MPDZ: variants seen among roughly 807,000 people sequenced by gnomAD.
The protein encoded by MPDZ is multiple PDZ domain protein.
MPDZ carries 234 observed loss-of-function variants against 239.1 expected under a neutral mutation model. That is an observed-to-expected ratio of 0.98 (90% confidence interval 0.88 to 1.09). The LOEUF (loss-of-function observed/expected upper bound fraction) is 1.09, where lower values mean the gene tolerates loss of function less well. MPDZ is among the 50% of genes least tolerant of loss of function. The pLI is 0.00. For missense variants in MPDZ, 3,175 were observed against 2,510.0 expected (o/e 1.26, Z -5.66); for synonymous variants, 1,048 against 881.3 (o/e 1.19, Z -3.35).
chr9:13,233,131 AAC>A (rs916791131), intron 3 of MPDZ, among the ~76,000 whole-genome samples: 9 of 152,158 alleles, frequency 5.9e-5, no homozygotes, highest in African/African-American at 2.2e-4. Flanking sequence ...CGCTTTGGAA[AAC>A]AGTTTGGCAG....
intron 3 of MPDZ, among the ~76,000 whole-genome samples, chr9:13,237,428 C>T (rs961022925): frequency 3.9e-5 from 4 of 103,550 alleles, no homozygotes; most frequent in Non-Finnish European, 7.0e-5. Context: ...CGTGACAGAG[C>T]AAGACACTGT....
chr9:13,221,844 T>C (rs1959145071), intron 6 of MPDZ, among the ~76,000 whole-genome samples: 1 of 152,026 alleles, frequency 6.6e-6, no homozygotes, highest in South Asian at 2.1e-4. Flanking sequence ...GTCTTCTGCA[T>C]AATCCTGCCT....
intron 41 of MPDZ, among the ~76,000 whole-genome samples, 191 bp from the exon 42 acceptor site, chr9:13,113,245 C>T (rs547235788): frequency 6.6e-6 from 1 of 151,970 alleles, no homozygotes; most frequent in African/African-American, 2.4e-5. Flanking sequence ...GTTGGAAAAA[C>T]GTGTATACCA....
chr9:13,173,249 TA>T (rs1187462325), intron 21 of MPDZ, among the ~76,000 whole-genome samples: 1 of 152,208 alleles, frequency 6.6e-6, no homozygotes, highest in African/African-American at 2.4e-5. Flanking sequence ...AATGTACTCT[TA>T]AAAATGATGA....
intron 23 of MPDZ, among the ~76,000 whole-genome samples, chr9:13,159,242 C>G (rs955277627): frequency 6.6e-6 from 1 of 152,032 alleles, no homozygotes; most frequent in African/African-American, 2.4e-5. Flanking sequence ...TTTCTTGGAC[C>G]TGAATGTTAA....
At chr9:13,188,318 G>C (rs2134811194) in intron 17 of MPDZ, among the ~76,000 whole-genome samples, 1 of 152,188 alleles carries the variant, frequency 6.6e-6, no homozygotes, top group East Asian at 1.9e-4. Flanking sequence ...AGGAGTTCGA[G>C]ACCAGCCTGG....
chr9:13,162,435 C>A (rs969006137), intron 23 of MPDZ, among the ~76,000 whole-genome samples: 2 of 151,816 alleles, frequency 1.3e-5, no homozygotes, highest in African/African-American at 4.8e-5. Context: ...CAAAACTCAA[C>A]ATGTTAAAAG....
intron 23 of MPDZ, among the ~76,000 whole-genome samples, chr9:13,159,351 G>T (rs903120811): frequency 6.6e-6 from 1 of 152,106 alleles, no homozygotes; most frequent in Non-Finnish European, 1.5e-5. Context: ...AAAGAATAAC[G>T]CCTCGAATGA....
chr9:13,128,547 C>G (rs558371583), intron 32 of MPDZ, among the ~76,000 whole-genome samples: 1 of 152,268 alleles, frequency 6.6e-6, no homozygotes, highest in East Asian at 1.9e-4. Flanking sequence ...AATTCCTAAC[C>G]CATAGAAACT....
In MPDZ at chr9:13,188,921, C is replaced by T. The variant is rs375260217; in HGVS notation, c.2227G>A (p.Gly743Arg). ...AGTCGGTCACCAGGAAGAAGTCGTC[C>T]ATCCTTTTCAGCAATGCCGCCAGGC... ...LVPGGIAEKD[G>R]RLLPGDRLMF... Residue 743 changes from glycine to arginine, a missense_variant, in exon 17 of 47, where the codon GGA becomes AGA. Physicochemically the swap from Gly to Arg is moderately radical, Grantham distance 125 (BLOSUM62 -2). Transcript: ENST00000319217. The T allele has an allele frequency of 5.0e-6, 8 of 1,613,384 alleles. No individual in the cohort carries two copies. In the Middle Eastern group the frequency reaches 8.2e-4, roughly 166 times the overall value.
At chr9:13,133,778 G>C in intron 32 of MPDZ, 46 bp downstream of exon 32, 1 of 1,319,070 alleles carries the variant, frequency 7.6e-7, no homozygotes, top group South Asian at 1.2e-5. Flanking sequence ...AGAACACTGA[G>C]GTAAAGGAAC....
intron 12 of MPDZ, among the ~76,000 whole-genome samples, chr9:13,203,595 T>C (rs1471624562): frequency 6.6e-6 from 1 of 152,104 alleles, no homozygotes; most frequent in Non-Finnish European, 1.5e-5. Context: ...GAGGCAATAA[T>C]ATCTTACCCC....
At chr9:13,192,931 GT>G (rs1309024355) in intron 14 of MPDZ, among the ~76,000 whole-genome samples, 1 of 152,044 alleles carries the variant, frequency 6.6e-6, no homozygotes, top group Non-Finnish European at 1.5e-5. Flanking sequence ...TTCAAAGACT[GT>G]TTTTATAGTT....
chr9:13,184,099 T>C (rs1424407067), intron 18 of MPDZ, among the ~76,000 whole-genome samples: 2 of 152,016 alleles, frequency 1.3e-5, no homozygotes, highest in Admixed American at 1.3e-4. Context: ...AAAGAAAATC[T>C]GTGATTTCAT....
At chr9:13,176,815 A>T (rs556035527) in intron 19 of MPDZ, among the ~76,000 whole-genome samples, 1 of 152,264 alleles carries the variant, frequency 6.6e-6, no homozygotes, top group African/African-American at 2.4e-5. Context: ...TGAAGTTCCC[A>T]TTTATTATGA....
Position 13,162,715 on chromosome 9 carries a change from T to C in MPDZ, c.3335A>G (p.Asp1112Gly). Reference protein sequence around the residue: ...GQQSGRVMALDIFSSYTGRDI... With the variant: ...GQQSGRVMALGIFSSYTGRDI... ...CCTGCCAGTGTATGAAGAAAAAATA[T>C]CCAGTGCCATTACTCTTCCAGATTG... The change falls in exon 23 of 47, where the codon GAT (aspartate) becomes GGT (glycine). Residue 1112 changes from aspartate (D) to glycine (G), a missense_variant. Physicochemically the swap from Asp to Gly is moderately conservative, Grantham distance 94. Coordinates refer to ENST00000319217, the MANE Select transcript of MPDZ (RefSeq NM_001378778.1). The C allele has an allele frequency of 6.2e-7, 1 of 1,609,860 alleles. No homozygotes were observed. Among genetic ancestry groups the C allele is most frequent in the Non-Finnish European group, 8.5e-7 (1 of 1,177,474 alleles).
chr9:13,258,389 A>G (rs1010856342), intron 1 of MPDZ, among the ~76,000 whole-genome samples: 1 of 152,214 alleles, frequency 6.6e-6, no homozygotes, highest in African/African-American at 2.4e-5. Context: ...CGACATTAAA[A>G]GGGCTTGTTT....
chr9:13,258,209 T>TA (rs1969886142), intron 1 of MPDZ, among the ~76,000 whole-genome samples: 1 of 152,204 alleles, frequency 6.6e-6, no homozygotes, highest in East Asian at 1.9e-4. Flanking sequence ...TTTTACGAAG[T>TA]AGAGAATCAG....
intron 32 of MPDZ, among the ~76,000 whole-genome samples, chr9:13,128,414 G>A (rs1357006606): frequency 6.6e-6 from 1 of 152,182 alleles, no homozygotes; most frequent in South Asian, 2.1e-4. Context: ...AGCCATTTGG[G>A]TAAATCATCT....
Sources: allele counts gnomAD v4.1 joint callset (sites outside exome capture counted in the v4.1 genomes callset), GRCh38; gene constraint gnomAD v4.1.1; transcripts MANE v1.5; gene names NCBI Gene and HGNC (gene_info 2026-07-23, HGNC 2026-07-21).